GRM6: variants seen among roughly 807,000 people sequenced by gnomAD.
GRM6 encodes glutamate metabotropic receptor 6, also known as metabotropic glutamate receptor 6.
In GRM6, 73 loss-of-function variants were observed where a neutral mutation model predicts 78.4. The observed-to-expected ratio is 0.93, with a 90% CI of 0.77 to 1.13. The LOEUF (loss-of-function observed/expected upper bound fraction) is 1.13, where lower values mean the gene tolerates loss of function less well. Ranked by LOEUF, GRM6 falls within the 50% of genes most tolerant of loss-of-function variation. GRM6 has a pLI of 0.00. For synonymous variants in GRM6, 580 were observed against 555.0 expected (o/e 1.05, Z -0.63); for missense variants, 1,251 against 1,256.4 (o/e 1.00, Z 0.07).
Position 178,981,710 on chromosome 5 carries a change from T to G in GRM6, c.2581A>C (p.Thr861Pro), listed in dbSNP as rs774860705. The G allele has an allele frequency of 1.9e-6, 3 of 1,613,936 alleles. No homozygotes were observed. The African/African-American group carries it at 4.0e-5, about 22-fold the overall frequency. ...VQKRKRSLKA[T>P]STVAAPPKGE... is the part of the protein sequence containing the mutation. ...TTGGGTGGGGCTGCCACCGTGGAGG[T>G]GGCCTTGAGGCTCCGCTTTCGCTTC... is the stretch of plus-strand genomic sequence containing the variant. Residue 861 changes from threonine to proline, a missense_variant, in exon 11 of 11, where the codon ACC (threonine) becomes CCC (proline). Thr to Pro is a conservative substitution (Grantham distance 38). Coordinates refer to ENST00000517717, the MANE Select transcript of GRM6 (RefSeq NM_000843.4). The surrounding 1 kb of genome is among the most constrained non-coding windows in gnomAD (Gnocchi z 5.1).
intron 5 of GRM6, chr5:178,989,777 C>G: frequency 2.8e-6 from 1 of 356,002 alleles, no homozygotes; most frequent in South Asian, 2.4e-5. Flanking sequence ...ATGGGTGGAG[C>G]CTCAGCAGCC....
chr5:178,987,191 C>T (rs755244966), intron 7 of GRM6: 7 of 694,650 alleles, frequency 1.0e-5, no homozygotes, highest in East Asian at 2.8e-5. Context: ...GTGTTGTGAG[C>T]GTGTGGAGAA....
Position 178,992,719 on chromosome 5 carries a change from C to T in GRM6, c.505-636G>A, listed in dbSNP as rs1159512794. ...CCAAGAGGGGGCTATGGGGCTCCAG[C>T]GCAAGAGGGGCTATAGCAGGAGCTG... On this transcript the variant is annotated intron_variant, in intron 2 of 10. Transcript: ENST00000517717. The surrounding 1 kb of genome is among the most constrained non-coding windows in gnomAD (Gnocchi z 4.9). Among the ~76,000 whole-genome samples, 4 of 150,220 alleles carry T rather than the reference C, an allele frequency of 2.7e-5. No individual in the cohort carries two copies. The highest frequency in any genetic ancestry group is 2.0e-4 in the East Asian group (1 of 5,078).
Position 178,991,461 on chromosome 5 carries a change from G to A in GRM6, c.820C>T (p.Arg274Trp), listed in dbSNP as rs577125911. The change falls in exon 4 of 11, where the codon CGG becomes TGG. Residue 274 changes from arginine to tryptophan, a missense_variant. By Grantham distance (101) the Arg-to-Trp change is moderately radical (BLOSUM62 -3). Coordinates refer to ENST00000517717, the MANE Select transcript of GRM6 (RefSeq NM_000843.4). The surrounding 1 kb of genome is among the most constrained non-coding windows in gnomAD (Gnocchi z 5.0). ...TCATTGGCAAAGATGATGATGCCCC[G>A]GGCGTTGGGCGTCTCCATGAGTCTC... ...IRRLMETPNA[R>W]GIIIFANEDD... The A allele has an allele frequency of 8.7e-6, 14 of 1,613,738 alleles. No homozygotes were observed. The highest frequency in any genetic ancestry group is 3.3e-5 in the Admixed American group (2 of 60,012).
chr5:178,987,089 C>G, intron 7 of GRM6, 106 bp from the exon 8 acceptor site: 1 of 1,171,280 alleles, frequency 8.5e-7, no homozygotes, highest in Non-Finnish European at 1.2e-6. Context: ...TAACAAGCAT[C>G]ACTGCTCATA....
rs1432548155 is a variant in GRM6, at chr5:178,986,961, C to T, written c.1377G>A (p.Met459Ile). ...CGGGCGCATCTCCGTTCTCGTTGAA[C>T]ATCACAGGGGTTCCTGCGCTGCCTG... ...RFNGSAGTPV[M>I]FNENGDAPGR... The change falls in exon 8 of 11, where the codon ATG (methionine) becomes ATA (isoleucine). Residue 459 changes from methionine (M) to isoleucine (I), a missense_variant. Physicochemically the swap from Met to Ile is conservative, Grantham distance 10 (BLOSUM62 1). Coordinates refer to ENST00000517717, the MANE Select transcript of GRM6 (RefSeq NM_000843.4). 13 of 1,613,832 alleles carry T rather than the reference C, an allele frequency of 8.1e-6. No homozygotes were observed. The African/African-American group carries it at 1.2e-4, about 15-fold the overall frequency.
intron 5 of GRM6, chr5:178,989,832 A>C: frequency 3.3e-6 from 1 of 302,376 alleles, no homozygotes; most frequent in South Asian, 3.3e-5. Context: ...CAAGGCAACC[A>C]CAGGGAATGG....
intron 9 of GRM6, chr5:178,985,825 G>A (rs532279107): frequency 1.2e-4 from 62 of 529,036 alleles, no homozygotes; most frequent in Non-Finnish European, 1.6e-4. Context: ...GTAGTGGTGC[G>A]ATCTTGGCTC....
At chr5:178,989,206 T>TCACCCCCCTCCCCCCCCCC in intron 6 of GRM6, 59 bp downstream of exon 6, 6 of 218,564 alleles carry the variant, frequency 2.7e-5, no homozygotes, top group South Asian at 5.7e-5. Context: ...GCCTTCCCCC[T>TCACCCCCCTCCCCCCCCCC]CCCCACCCTC....
intron 6 of GRM6, 65 bp from the exon 7 acceptor site, chr5:178,989,200 T>TCCCCCC: frequency 7.5e-7 from 1 of 1,333,674 alleles, no homozygotes; most frequent in Non-Finnish European, 1.0e-6. Context: ...CCTCCCGCCT[T>TCCCCCC]CCCCCTCCCC....
Position 178,991,429 on chromosome 5 carries a change from G to T in GRM6, c.852C>A (p.Asp284Glu). Residue 284 changes from aspartate (D) to glutamate (E), a missense_variant, in exon 4 of 11, where the codon GAC becomes GAA. Physicochemically the swap from Asp to Glu is conservative, Grantham distance 45. Coordinates refer to ENST00000517717, the MANE Select transcript of GRM6 (RefSeq NM_000843.4). This position sits in a 1 kb window ranked among gnomAD's most constrained non-coding sequence, Gnocchi z 5.0. ...RGIIIFANED[D>E]IRRVLEAARQ... ...TGATTGTGCCACTGTCCCACCTGAT[G>T]TCATCCTCATTGGCAAAGATGATGA... 3 of 1,613,914 alleles carry T rather than the reference G, an allele frequency of 1.9e-6. No homozygotes were observed. Among genetic ancestry groups the T allele is most frequent in the Non-Finnish European group, 2.5e-6 (3 of 1,179,876 alleles).
intron 2 of GRM6, among the ~76,000 whole-genome samples, chr5:178,993,902 T>C (rs2113346552): frequency 6.6e-6 from 1 of 152,140 alleles, no homozygotes; most frequent in East Asian, 1.9e-4. Flanking sequence ...GAGGGAGAGT[T>C]CAAGGCATTT....
At chr5:178,985,210 G>A (rs1314801012) in intron 9 of GRM6, 5 of 453,362 alleles carry the variant, frequency 1.1e-5, no homozygotes, top group Non-Finnish European at 1.8e-5. Flanking sequence ...TCTTTGACCT[G>A]TTTCCATATG....
chr5:178,980,561 T>C lies in GRM6; in HGVS notation c.*1096A>G, dbSNP rs1174627522. The C allele has an allele frequency of 6.5e-6, 1 of 154,234 alleles. No individual in the cohort carries two copies. Among genetic ancestry groups the C allele is most frequent in the Non-Finnish European group, 1.5e-5 (1 of 68,096 alleles). 9.6% of individuals were successfully genotyped at this position (154,234 alleles called of 1,614,324 possible). ...GAACACAACACAAATGCACCCCTGC[T>C]CCTTGTTCTCACATCACTAACATTA... On this transcript the variant is annotated 3_prime_UTR_variant, in exon 11 of 11. Coordinates refer to ENST00000517717, the MANE Select transcript of GRM6 (RefSeq NM_000843.4). This position sits in a 1 kb window ranked among gnomAD's most constrained non-coding sequence, Gnocchi z 4.3.
Position 178,992,187 on chromosome 5 carries a change from G to T in GRM6, c.505-104C>A. 1 of 786,744 alleles carries T rather than the reference G, an allele frequency of 1.3e-6. No individual in the cohort carries two copies. Among genetic ancestry groups the T allele is most frequent in the East Asian group, 2.7e-5 (1 of 37,706 alleles). The allele number at this position is 786,744 out of a possible 1,614,324, so 48.7% of individuals were successfully genotyped here. On this transcript the variant is annotated intron_variant, in intron 2 of 10. Transcript: ENST00000517717. This position sits in a 1 kb window ranked among gnomAD's most constrained non-coding sequence, Gnocchi z 4.9. Reference sequence around the variant, plus strand: ...ACGGACGGGGCACAGAAGGTGTGTGGCATGGACCTGGGACACAGATGGGAG... The same window carrying T: ...ACGGACGGGGCACAGAAGGTGTGTGTCATGGACCTGGGACACAGATGGGAG...
Position 178,987,444 on chromosome 5 carries a change from G to A in GRM6, c.1355-461C>T, listed in dbSNP as rs535778935. On this transcript the variant is annotated intron_variant, in intron 7 of 10. Transcript: ENST00000517717. The stretch of plus-strand genomic sequence containing the variant: ...TGACAGAAGAATGGACGAACACGAC[G>A]GGGCCATTCACACAATGGGATGCGA... 5.0e-5 allele frequency: 23 copies of A among 457,620 alleles called. No homozygotes were observed. The East Asian group carries it at 1.3e-3, about 26-fold the overall frequency. The allele number at this position is 457,620 out of a possible 1,614,324, so 28.3% of individuals were successfully genotyped here.
At position 178,994,780 on chromosome 5, in the gene GRM6, C is replaced by T. The variant is rs1201547779; in HGVS notation, c.165G>A (p.Arg55=). The change falls in exon 2 of 11, where the codon CGG becomes CGA. Residue 55 remains arginine, a synonymous_variant. Transcript: ENST00000517717. ...GCTCCTTCTTCAGCTGCCCGCACGC[C>T]CGGCCCGCCGCGCCCCGCGCGTGCA... is the stretch of plus-strand genomic sequence containing the variant. ...FPVHARGAAG[R]ACGQLKKEQG... 7.4e-7 allele frequency: 1 copy of T among 1,345,624 alleles called. No individual in the cohort carries two copies. 83.4% of individuals were successfully genotyped at this position (1,345,624 alleles called of 1,614,324 possible). A position where few individuals can be genotyped will look rare whatever the true frequency, so the allele number is the denominator to read the frequency against.
chr5:178,985,585 C>T (rs1397228891), intron 9 of GRM6: 9 of 348,704 alleles, frequency 2.6e-5, no homozygotes, highest in African/African-American at 6.5e-5. Flanking sequence ...CGCCTGTAGT[C>T]CCAGCTACTC....
chr5:178,979,834 AG>A lies in GRM6; in HGVS notation c.*1822del, dbSNP rs1167724358. 1 of 154,122 alleles carries A rather than the reference AG, an allele frequency of 6.5e-6. No homozygotes were observed. Among genetic ancestry groups the A allele is most frequent in the East Asian group, 1.9e-4 (1 of 5,200 alleles). The allele number at this position is 154,122 out of a possible 1,614,324, so 9.5% of individuals were successfully genotyped here. On this transcript the variant is annotated 3_prime_UTR_variant, in exon 11 of 11. Coordinates refer to ENST00000517717, the MANE Select transcript of GRM6 (RefSeq NM_000843.4). ...TTGGAGATCAGAGCTCACTGATCTC[AG>A]AGTTCATACAGGAGAAGAGCCCTAT...
Sources: allele counts gnomAD v4.1 joint callset (sites outside exome capture counted in the v4.1 genomes callset), GRCh38; gene constraint gnomAD v4.1.1; non-coding constraint Gnocchi (gnomAD v3.1); transcripts MANE v1.5; gene names NCBI Gene and HGNC (gene_info 2026-07-23, HGNC 2026-07-21).